COL4A2: variants seen among roughly 807,000 people sequenced by gnomAD.
COL4A2 encodes collagen alpha-2(IV) chain.
In COL4A2, 99 loss-of-function variants were observed where a neutral mutation model predicts 200.2. The observed-to-expected ratio is 0.49, with a 90% CI of 0.42 to 0.58. COL4A2 has a LOEUF of 0.58. COL4A2 is among the 20% of genes least tolerant of loss of function. The pLI, the probability that COL4A2 is intolerant of heterozygous loss-of-function variation, is 0.00. For synonymous variants in COL4A2, 897 were observed against 900.6 expected, an observed-to-expected ratio of 1.00 and a Z score of 0.07; for missense variants, 1,950 against 2,314.1, an observed-to-expected ratio of 0.84 and a Z score of 3.23.
At chr13:110,410,659 C>T (rs1235203937) in intron 4 of COL4A2, among the ~76,000 whole-genome samples, 1 of 152,202 alleles carries the variant, frequency 6.6e-6, no homozygotes, top group African/African-American at 2.4e-5. Context: ...AAATATGTTA[C>T]TGATGTTACT....
rs761106713 is a variant in COL4A2 at position 110,438,046 on chromosome 13, A to G, written c.861+9A>G. 6.2e-7 allele frequency: 1 copy of G among 1,612,462 alleles called. No individual in the cohort carries two copies. The highest frequency in any genetic ancestry group is 8.5e-7 in the Non-Finnish European group (1 of 1,178,698). On this transcript the variant is annotated intron_variant, in intron 14 of 47. Transcript: ENST00000360467. ...GGGAACCAGGAATAAGAGTAAGTCG[A>G]GTAATGAGCATGCCCCCTCCCCTGT...
In COL4A2 at chr13:110,508,216, C is replaced by T; in HGVS notation, c.4876C>T (p.Leu1626Phe). The change falls in exon 47 of 48, where the codon CTC becomes TTC. Residue 1626 changes from leucine to phenylalanine, a missense_variant. Around this residue, in one of 2 missense-constraint regions of COL4A2, gnomAD observed 1,385 missense variants for 1,720.5 expected, o/e 0.80. Coordinates refer to ENST00000360467, the MANE Select transcript of COL4A2 (RefSeq NM_001846.4). The surrounding 1 kb of genome is among the most constrained non-coding windows in gnomAD (Gnocchi z 6.1). ...GAGTTTGTGGATCGGATATTCCTTC[C>T]TCATGGTATGTGGTATTTGCCCAGT... ...WRSLWIGYSF[L>F]MHTAAGDEGG... The T allele has an allele frequency of 6.2e-7, 1 of 1,613,894 alleles. No individual in the cohort carries two copies. The highest frequency in any genetic ancestry group is 8.5e-7 in the Non-Finnish European group (1 of 1,179,762).
chr13:110,338,461 C>G (rs976330341), intron 3 of COL4A2, among the ~76,000 whole-genome samples: 2 of 152,116 alleles, frequency 1.3e-5, no homozygotes, highest in African/African-American at 4.8e-5. Flanking sequence ...AAAATGCTCC[C>G]CCTGAAGAGC....
At chr13:110,492,200 G>A in intron 38 of COL4A2, 23 bp downstream of exon 38, 2 of 1,546,004 alleles carry the variant, frequency 1.3e-6, no homozygotes, top group South Asian at 1.2e-5. Context: ...AAAACACGTG[G>A]TCACCCAGAC....
At chr13:110,436,610 AAG>A (rs1369826782) in intron 13 of COL4A2, among the ~76,000 whole-genome samples, 1 of 151,774 alleles carries the variant, frequency 6.6e-6, no homozygotes, top group Non-Finnish European at 1.5e-5. Context: ...CTGAAGCAAC[AAG>A]AGAATTCATT....
chr13:110,501,794 A>T lies in COL4A2; in HGVS notation c.3877+10A>T. Reference sequence around the variant, plus strand: ...ATATTTGGCCTGAAAGGTAAGCAGGACTTATACATCTGTGCTTCGACATCT... The same window carrying T: ...ATATTTGGCCTGAAAGGTAAGCAGGTCTTATACATCTGTGCTTCGACATCT... On this transcript the variant is annotated intron_variant, in intron 41 of 47. Coordinates refer to ENST00000360467, the MANE Select transcript of COL4A2 (RefSeq NM_001846.4). 6.2e-7 allele frequency: 1 copy of T among 1,611,948 alleles called. No individual in the cohort carries two copies. Among genetic ancestry groups the T allele is most frequent in the Non-Finnish European group, 8.5e-7 (1 of 1,178,488 alleles).
chr13:110,458,659 G>A (rs1047226447), intron 21 of COL4A2, 112 bp from the exon 22 acceptor site: 11 of 1,291,944 alleles, frequency 8.5e-6, no homozygotes, highest in Non-Finnish European at 1.2e-5. Flanking sequence ...AACAGGCAGT[G>A]TCCATAAAGC....
At chr13:110,469,009 A>G (rs1440993322) in intron 27 of COL4A2, among the ~76,000 whole-genome samples, 1 of 152,202 alleles carries the variant, frequency 6.6e-6, no homozygotes, top group African/African-American at 2.4e-5. Flanking sequence ...ATTGGATATT[A>G]TCATTCTTAT....
intron 32 of COL4A2, among the ~76,000 whole-genome samples, chr13:110,484,030 A>G (rs1421274098): frequency 6.6e-6 from 1 of 151,634 alleles, no homozygotes; most frequent in Non-Finnish European, 1.5e-5. Context: ...TTTTTTTAAG[A>G]TTTTTACTCA....
intron 24 of COL4A2, among the ~76,000 whole-genome samples, chr13:110,464,762 C>T (rs1315130269): frequency 2.0e-5 from 3 of 152,128 alleles, no homozygotes; most frequent in South Asian, 2.1e-4. Context: ...TCCACCAGCA[C>T]GTGGGGACAG....
chr13:110,441,071 A>T (rs1295554763), intron 16 of COL4A2, among the ~76,000 whole-genome samples: 1 of 152,182 alleles, frequency 6.6e-6, no homozygotes, highest in Non-Finnish European at 1.5e-5. Context: ...CCTCGGTGGT[A>T]CACAGGGCTT....
At chr13:110,354,107 G>C (rs1268511221) in intron 3 of COL4A2, among the ~76,000 whole-genome samples, 1 of 152,172 alleles carries the variant, frequency 6.6e-6, no homozygotes, top group African/African-American at 2.4e-5. Context: ...TTATATGGAG[G>C]GATTTGGCAA....
chr13:110,342,210 G>A (rs1314592932), intron 3 of COL4A2, among the ~76,000 whole-genome samples: 1 of 152,220 alleles, frequency 6.6e-6, no homozygotes, highest in Non-Finnish European at 1.5e-5. Flanking sequence ...ACTTATTAGA[G>A]ATGAATTAGC....
At chr13:110,366,670 GTCCCTTCA>G (rs1877767473) in intron 4 of COL4A2, among the ~76,000 whole-genome samples, 1 of 152,154 alleles carries the variant, frequency 6.6e-6, no homozygotes, top group African/African-American at 2.4e-5. Context: ...AGGAAATGGG[GTCCCTTCA>G]TCTCTGCTTT....
At chr13:110,341,747 G>A (rs922426729) in intron 3 of COL4A2, among the ~76,000 whole-genome samples, 11 of 152,116 alleles carry the variant, frequency 7.2e-5, no homozygotes, top group East Asian at 1.9e-4. Flanking sequence ...GTTTCTCCTT[G>A]TTTCCAGCTC....
intron 19 of COL4A2, 24 bp from the exon 20 acceptor site, chr13:110,450,281 C>T: frequency 6.2e-7 from 1 of 1,606,380 alleles, no homozygotes; most frequent in Non-Finnish European, 8.5e-7. Flanking sequence ...ACTCACGCTG[C>T]AGGTGAATGC....
At chr13:110,424,639 AC>A in intron 4 of COL4A2, 94 bp from the exon 5 acceptor site, 11 of 811,636 alleles carry the variant, frequency 1.4e-5, no homozygotes, top group Non-Finnish European at 1.9e-5. Flanking sequence ...CTCTTTAAAA[AC>A]AAAAAAAAAA....
At chr13:110,343,513 G>A (rs1433689641) in intron 3 of COL4A2, among the ~76,000 whole-genome samples, 1 of 151,914 alleles carries the variant, frequency 6.6e-6, no homozygotes, top group Non-Finnish European at 1.5e-5. Context: ...AGAAAGGGCG[G>A]GGCAGAAATT....
chr13:110,480,513 T>A, intron 31 of COL4A2, 123 bp downstream of exon 31: 1 of 1,029,234 alleles, frequency 9.7e-7, no homozygotes, highest in Non-Finnish European at 1.4e-6. Flanking sequence ...CTTCTGCAGA[T>A]TGGAGGCCTT....
Sources: allele counts gnomAD v4.1 joint callset (sites outside exome capture counted in the v4.1 genomes callset), GRCh38; gene constraint gnomAD v4.1.1; regional missense constraint gnomAD v4.1.1; non-coding constraint Gnocchi (gnomAD v3.1); transcripts MANE v1.5; gene names NCBI Gene and HGNC (gene_info 2026-07-23, HGNC 2026-07-21).